The following TACC1 variants were observed in gnomAD, a reference collection of about 807,000 sequenced individuals.
The protein encoded by TACC1 is transforming acidic coiled-coil containing protein 1.
TACC1 carries 48 observed loss-of-function variants against 84.4 expected under a neutral mutation model. The observed-to-expected ratio is 0.57, with a 90% confidence interval of 0.45 to 0.72. TACC1 has a LOEUF of 0.72. Among genes scored for constraint, TACC1 ranks in the 30% least tolerant of loss-of-function variants. TACC1 has a pLI of 0.00. For missense variants in TACC1, 920 were observed against 973.0 expected, an observed-to-expected ratio of 0.95 and a Z score of 0.72; for synonymous variants, 372 against 376.3, an observed-to-expected ratio of 0.99 and a Z score of 0.13.
intron 3 of TACC1, among the ~76,000 whole-genome samples, chr8:38,768,322 A>G (rs896758371): frequency 1.4e-4 from 22 of 152,242 alleles, no homozygotes; most frequent in African/African-American, 5.3e-4. Context: ...GTTCATTTGT[A>G]TCTGCTGGTT....
At chr8:38,803,870 T>G (rs1822019377) in intron 2 of TACC1, among the ~76,000 whole-genome samples, 1 of 152,212 alleles carries the variant, frequency 6.6e-6, no homozygotes, top group Non-Finnish European at 1.5e-5. Context: ...TTTGGTAGAA[T>G]TCATCAGTCT....
intron 2 of TACC1, among the ~76,000 whole-genome samples, chr8:38,816,756 A>G (rs1825525455): frequency 6.6e-6 from 1 of 152,154 alleles, no homozygotes; most frequent in Non-Finnish European, 1.5e-5. Context: ...GTAAGTCAAC[A>G]TGTTCACCAA....
At chr8:38,736,594 C>T (rs763621304) in intron 1 of TACC1, among the ~76,000 whole-genome samples, 3 of 152,148 alleles carry the variant, frequency 2.0e-5, no homozygotes, top group Non-Finnish European at 4.4e-5. Flanking sequence ...CCAGCCTGGG[C>T]AACAGAGCAT....
Position 38,825,266 on chromosome 8 carries a change from T to C in TACC1, c.1392-42T>C, listed in dbSNP as rs752844436. 8 of 1,607,858 alleles carry C rather than the reference T, an allele frequency of 5.0e-6. No homozygotes were observed. In the Middle Eastern group the frequency reaches 6.7e-4, roughly 135 times the overall value. On this transcript the variant is annotated intron_variant, in intron 3 of 12. Transcript: ENST00000317827. ...CATTTCATACCTTGACAATTGTCAG[T>C]GTGATTGCAAACTGGCTTGTTTGTG...
intron 3 of TACC1, among the ~76,000 whole-genome samples, chr8:38,761,655 T>C (rs187063281): frequency 6.6e-6 from 1 of 152,384 alleles, no homozygotes; most frequent in African/African-American, 2.4e-5. Flanking sequence ...GCAACATTTG[T>C]AAATTCATTG....
intron 4 of TACC1, among the ~76,000 whole-genome samples, chr8:38,826,873 GA>G (rs1417999794): frequency 6.6e-6 from 1 of 152,160 alleles, no homozygotes; most frequent in African/African-American, 2.4e-5. Flanking sequence ...TTAGGTATAT[GA>G]GCAAAAAAAT....
At chr8:38,790,338 T>A (rs1818347805) in intron 2 of TACC1, among the ~76,000 whole-genome samples, 1 of 152,238 alleles carries the variant, frequency 6.6e-6, no homozygotes, top group Admixed American at 6.5e-5. Context: ...TATTTCTAGA[T>A]AAGGTCACAT....
chr8:38,848,112 C>T lies in TACC1; in HGVS notation c.*89C>T. The T allele has an allele frequency of 7.7e-7, 1 of 1,291,938 alleles. No homozygotes were observed. The highest frequency in any genetic ancestry group is 1.1e-6 in the Non-Finnish European group (1 of 923,970). The allele number at this position is 1,291,938 out of a possible 1,614,324, so 80.0% of individuals were successfully genotyped here. A position where few individuals can be genotyped will look rare whatever the true frequency, so the allele number is the denominator to read the frequency against. ...TTGCCTTATCCAGGAATAATTGCCC[C>T]TTTGCAGAGAAAAAAAAAAACTTAA... On this transcript the variant is annotated 3_prime_UTR_variant, in exon 13 of 13. Coordinates refer to ENST00000317827, the MANE Select transcript of TACC1 (RefSeq NM_006283.3).
rs1832946281 is a variant in TACC1 at position 38,850,569 on chromosome 8, A to T, written c.*2546A>T. The stretch of plus-strand genomic sequence containing the variant: ...CACTGTGGAAGGCCGAGGCAGGAGG[A>T]TCACTTGAGTCCAGGAGTTTGAAAC... On this transcript the variant is annotated 3_prime_UTR_variant, in exon 13 of 13. Coordinates refer to ENST00000317827, the MANE Select transcript of TACC1 (RefSeq NM_006283.3). The T allele has an allele frequency of 6.6e-6, 1 of 152,036 alleles. No homozygotes were observed. Among genetic ancestry groups the T allele is most frequent in the Admixed American group, 6.6e-5 (1 of 15,258 alleles). The allele number at this position is 152,036 out of a possible 1,614,324, so 9.4% of individuals were successfully genotyped here.
intron 3 of TACC1, among the ~76,000 whole-genome samples, chr8:38,774,605 A>G (rs1441734497): frequency 6.6e-6 from 1 of 152,158 alleles, no homozygotes; most frequent in Non-Finnish European, 1.5e-5. Context: ...TGATCCTCCC[A>G]TCTTGGCCTC....
At chr8:38,842,031 T>C (rs1046101705) in intron 9 of TACC1, among the ~76,000 whole-genome samples, 1 of 152,148 alleles carries the variant, frequency 6.6e-6, no homozygotes, top group Non-Finnish European at 1.5e-5. Flanking sequence ...GTCCGGTCTA[T>C]GCTCAGATCT....
At chr8:38,748,710 C>T (rs1301854544) in intron 3 of TACC1, among the ~76,000 whole-genome samples, 2 of 152,028 alleles carry the variant, frequency 1.3e-5, no homozygotes, top group Non-Finnish European at 2.9e-5. Context: ...GGGCTAAAGA[C>T]TAAATCACAA....
chr8:38,793,792 T>C (rs190608080), intron 2 of TACC1, among the ~76,000 whole-genome samples: 9 of 152,294 alleles, frequency 5.9e-5, no homozygotes, highest in African/African-American at 2.2e-4. Flanking sequence ...TTCATTCATG[T>C]ATTGTCTATG....
intron 6 of TACC1, 50 bp from the exon 7 acceptor site, chr8:38,836,112 G>T: frequency 1.2e-6 from 2 of 1,603,974 alleles, no homozygotes; most frequent in African/African-American, 1.3e-5. Context: ...GGATGTCTGG[G>T]GTTAAGAAGC....
At chr8:38,790,398 A>G (rs1818362502) in intron 2 of TACC1, among the ~76,000 whole-genome samples, 1 of 152,218 alleles carries the variant, frequency 6.6e-6, no homozygotes, top group African/African-American at 2.4e-5. Flanking sequence ...GAGAGACATA[A>G]TTCAGCCCAC....
chr8:38,802,016 C>T (rs1167384198), intron 2 of TACC1, among the ~76,000 whole-genome samples: 1 of 152,190 alleles, frequency 6.6e-6, no homozygotes, highest in African/African-American at 2.4e-5. Flanking sequence ...CAGGCTTAGA[C>T]AGTCCTGCCC....
At chr8:38,822,733 T>A (rs1198598013) in intron 3 of TACC1, among the ~76,000 whole-genome samples, 1 of 152,214 alleles carries the variant, frequency 6.6e-6, no homozygotes, top group Admixed American at 6.5e-5. Flanking sequence ...GTTTACTTTT[T>A]AAAATTTTTG....
chr8:38,822,409 A>G (rs541403673), intron 3 of TACC1, among the ~76,000 whole-genome samples: 3 of 152,324 alleles, frequency 2.0e-5, no homozygotes, highest in African/African-American at 7.2e-5. Context: ...GAGCTTGCAG[A>G]ACTGGAAGTT....
intron 2 of TACC1, among the ~76,000 whole-genome samples, chr8:38,789,034 C>T (rs1818011278): frequency 6.6e-6 from 1 of 152,130 alleles, no homozygotes; most frequent in African/African-American, 2.4e-5. Flanking sequence ...ATAAGATTAT[C>T]ATTATCAAAC....
Sources: gnomAD v4.1 joint callset for allele counts (sites outside exome capture counted in the v4.1 genomes callset) on GRCh38, gnomAD v4.1.1 for gene constraint, MANE v1.5 for transcripts, NCBI Gene and HGNC (gene_info 2026-07-23, HGNC 2026-07-21) for gene names.